The following INPP5F variants were observed in gnomAD, a reference collection of about 807,000 sequenced individuals.
INPP5F encodes phosphatidylinositide 4-phosphatase SAC2.
INPP5F carries 97 observed loss-of-function variants against 137.2 expected under a neutral mutation model. The observed-to-expected ratio is 0.71, with a 90% CI of 0.60 to 0.84. The LOEUF is 0.84. INPP5F is among the 40% of genes least tolerant of loss of function. The pLI is 0.00. For synonymous variants in INPP5F, 504 were observed against 476.9 expected (o/e 1.06, Z -0.74); for missense variants, 1,271 against 1,371.9 (o/e 0.93, Z 1.16).
intron 19 of INPP5F, 22 bp downstream of exon 19, chr10:119,823,924 A>G: frequency 1.3e-6 from 2 of 1,533,692 alleles, no homozygotes; most frequent in South Asian, 2.3e-5. Flanking sequence ...GCTTCTCTCA[A>G]GAATAAAGGC....
intron 2 of INPP5F, among the ~76,000 whole-genome samples, chr10:119,779,207 G>T (rs1849622455): frequency 6.6e-6 from 1 of 152,070 alleles, no homozygotes; most frequent in Non-Finnish European, 1.5e-5. Context: ...CTGTACAAAA[G>T]ATATGGTATG....
chr10:119,767,779 T>G (rs1297083499), intron 2 of INPP5F, among the ~76,000 whole-genome samples: 1 of 151,670 alleles, frequency 6.6e-6, no homozygotes, highest in Non-Finnish European at 1.5e-5. Flanking sequence ...AAGTAGACTT[T>G]AAGGCAGGAA....
chr10:119,764,241 T>C (rs1220424020), intron 2 of INPP5F, among the ~76,000 whole-genome samples: 1 of 152,190 alleles, frequency 6.6e-6, no homozygotes, highest in Non-Finnish European at 1.5e-5. Context: ...CTTTAGATGT[T>C]TGTTATAGCA....
chr10:119,796,197 A>C (rs186308819), intron 6 of INPP5F, among the ~76,000 whole-genome samples: 93 of 152,290 alleles, frequency 6.1e-4, no homozygotes, highest in African/African-American at 2.2e-3. Flanking sequence ...AGCTTCAGGA[A>C]TTGAGACTTT....
Position 119,796,424 on chromosome 10 carries a change from G to A in INPP5F, c.670-291G>A, listed in dbSNP as rs1165624181. Among the ~76,000 whole-genome samples the A allele has an allele frequency of 5.3e-5, 8 of 152,094 alleles. No homozygotes were observed. In the East Asian group the frequency reaches 7.7e-4, roughly 15 times the overall value. ...CATGAAGTAGTTGTTACTATTTCAC[G>A]GAGAAGGACAGCGACGGCAAGGGTG... On this transcript the variant is annotated intron_variant, in intron 6 of 19. Transcript: ENST00000650623.
chr10:119,815,625 G>T, intron 15 of INPP5F: 1 of 301,362 alleles, frequency 3.3e-6, no homozygotes, highest in South Asian at 3.7e-5. Flanking sequence ...TCAGTCCAGA[G>T]AAGCTGACTT....
chr10:119,825,335 TATCCTCAGTTTCAAGAAAAACTCTGA>T (rs1441141257), intron 19 of INPP5F, among the ~76,000 whole-genome samples: 3 of 152,230 alleles, frequency 2.0e-5, no homozygotes, highest in Non-Finnish European at 2.9e-5. Flanking sequence ...GGTTATTGCT[TATCCTCAGTTTCAAGAAAAACTCTGA>T]AGACCCAGAG....
chr10:119,793,547 A>G (rs1850222120), intron 6 of INPP5F: 1 of 152,292 alleles, frequency 6.6e-6, no homozygotes, highest in African/African-American at 2.4e-5. Flanking sequence ...AGGACAAAGA[A>G]GAACTCTCTG....
chr10:119,753,335 G>C (rs1464330037), intron 2 of INPP5F, among the ~76,000 whole-genome samples: 2 of 152,200 alleles, frequency 1.3e-5, no homozygotes, highest in Non-Finnish European at 2.9e-5. Flanking sequence ...AGATATAGGA[G>C]AAGCTGCCTA....
At chr10:119,819,480 T>TAA in intron 15 of INPP5F, 1 of 1,600,618 alleles carries the variant, frequency 6.2e-7, no homozygotes, top group Non-Finnish European at 8.5e-7. Context: ...TATTTCATAT[T>TAA]AAAATGTGTC....
intron 15 of INPP5F, among the ~76,000 whole-genome samples, chr10:119,812,910 A>G (rs1305373421): frequency 1.3e-5 from 2 of 151,298 alleles, no homozygotes; most frequent in African/African-American, 2.4e-5. Context: ...CCAACTTAAT[A>G]TAGCACCAAA....
Position 119,792,301 on chromosome 10 carries a change from T to C in INPP5F, c.669+88T>C, listed in dbSNP as rs1292811006. The C allele has an allele frequency of 9.9e-6, 9 of 907,418 alleles. No individual in the cohort carries two copies. In the African/African-American group the frequency reaches 1.0e-4, roughly 10 times the overall value. The allele number at this position is 907,418 out of a possible 1,614,324, so 56.2% of individuals were successfully genotyped here. A position where few individuals can be genotyped will look rare whatever the true frequency, so the allele number is the denominator to read the frequency against. ...TCTGGTTATAATTGTTAAGCAAATGTTTTTTAATTATATTAAGATACATTT... is the reference window on the plus strand; with the variant it reads ...TCTGGTTATAATTGTTAAGCAAATGCTTTTTAATTATATTAAGATACATTT... On this transcript the variant is annotated intron_variant, in intron 6 of 19. Coordinates refer to ENST00000650623, the MANE Select transcript of INPP5F (RefSeq NM_014937.4).
chr10:119,827,913 T>A lies in INPP5F; in HGVS notation c.*133T>A. 1 of 721,384 alleles carries A rather than the reference T, an allele frequency of 1.4e-6. No individual in the cohort carries two copies. Among genetic ancestry groups the A allele is most frequent in the South Asian group, 1.9e-5 (1 of 52,810 alleles). 44.7% of individuals were successfully genotyped at this position (721,384 alleles called of 1,614,324 possible). ...TCATTGGAAAGGGTTTTAAACGGAG[T>A]CGGAACCTGAGTAGATTTCCAAATT... On this transcript the variant is annotated 3_prime_UTR_variant, in exon 20 of 20. Transcript: ENST00000650623.
At chr10:119,794,590 G>A (rs1404404305) in intron 6 of INPP5F, among the ~76,000 whole-genome samples, 5 of 151,610 alleles carry the variant, frequency 3.3e-5, no homozygotes, top group Admixed American at 2.0e-4. Flanking sequence ...TTTCCAGTAG[G>A]GGCGGCCGGG....
At chr10:119,774,194 A>G (rs1849447256) in intron 2 of INPP5F, among the ~76,000 whole-genome samples, 2 of 146,938 alleles carry the variant, frequency 1.4e-5, no homozygotes, top group African/African-American at 5.0e-5. Flanking sequence ...CCCGGGAGGC[A>G]GAAGTTGCAG....
At chr10:119,795,355 C>G (rs891341404) in intron 6 of INPP5F, among the ~76,000 whole-genome samples, 1 of 151,252 alleles carries the variant, frequency 6.6e-6, no homozygotes, top group East Asian at 2.0e-4. Flanking sequence ...CTCCTCACTT[C>G]TCAGACGGGG....
At chr10:119,795,303 C>T (rs1159289622) in intron 6 of INPP5F, among the ~76,000 whole-genome samples, 3 of 151,778 alleles carry the variant, frequency 2.0e-5, no homozygotes, top group Admixed American at 6.6e-5. Flanking sequence ...CAGGCGGAGA[C>T]GCTCCTCACT....
chr10:119,757,439 AG>A (rs1279317800), intron 2 of INPP5F, among the ~76,000 whole-genome samples: 1 of 152,114 alleles, frequency 6.6e-6, no homozygotes, highest in African/African-American at 2.4e-5. Context: ...AGAAAAGTAT[AG>A]ATCTGTGAAA....
intron 7 of INPP5F, among the ~76,000 whole-genome samples, chr10:119,797,156 G>C (rs1850414117): frequency 6.6e-6 from 1 of 152,194 alleles, no homozygotes; most frequent in Admixed American, 6.5e-5. Flanking sequence ...AAAGTCACTT[G>C]AGATGTGCTT....
Sources: gnomAD v4.1 joint callset for allele counts (sites outside exome capture counted in the v4.1 genomes callset) on GRCh38, gnomAD v4.1.1 for gene constraint, MANE v1.5 for transcripts, NCBI Gene and HGNC (gene_info 2026-07-23, HGNC 2026-07-21) for gene names.